CASP8: variants seen among roughly 807,000 people sequenced by gnomAD.
CASP8 encodes the protein caspase-8.
CASP8 carries 24 observed loss-of-function variants against 46.3 expected under a neutral mutation model. That is an observed-to-expected ratio of 0.52 (90% CI 0.38 to 0.73). The LOEUF (loss-of-function observed/expected upper bound fraction) is 0.73, where lower values mean the gene tolerates loss of function less well. Ranked by LOEUF, CASP8 falls within the 30% of genes least tolerant of loss-of-function variation. The probability of loss-of-function intolerance (pLI) is 0.00; values close to 1 mark genes in which losing one functional copy is unlikely to be tolerated. For missense variants in CASP8, 460 were observed against 559.0 expected (o/e 0.82, Z 1.79); for synonymous variants, 188 against 200.4 (o/e 0.94, Z 0.52).
intron 2 of CASP8, among the ~76,000 whole-genome samples, chr2:201,236,769 T>A (rs1023554945): frequency 5.9e-5 from 9 of 152,114 alleles, no homozygotes. Flanking sequence ...CCGCACCTAG[T>A]TAATTTTTGC....
chr2:201,284,761 C>T, intron 7 of CASP8, 55 bp from the exon 8 acceptor site: 3 of 1,505,018 alleles, frequency 2.0e-6, no homozygotes, highest in Non-Finnish European at 2.7e-6. Flanking sequence ...TGCTCTCCAG[C>T]TGTGGTCTGT....
upstream of CASP8, chr2:201,258,329 TAG>T (rs1947134021): frequency 8.7e-6 from 14 of 1,614,104 alleles, no homozygotes; most frequent in Non-Finnish European, 1.0e-5. Flanking sequence ...CACGTGGAGT[TAG>T]GCAGGTTAGG....
chr2:201,236,324 T>G (rs1327504567), intron 2 of CASP8, among the ~76,000 whole-genome samples: 1 of 152,218 alleles, frequency 6.6e-6, no homozygotes, highest in African/African-American at 2.4e-5. Flanking sequence ...TTTTGATTTC[T>G]TTTTTGACCC....
chr2:201,243,921 C>T (rs759779272), intron 2 of CASP8, among the ~76,000 whole-genome samples: 89 of 152,280 alleles, frequency 5.8e-4, no homozygotes, highest in East Asian at 1.9e-4. Context: ...GGGCAGCAAT[C>T]CCCTGTTTGG....
chr2:201,257,572 A>G (rs1947084006), upstream of CASP8, among the ~76,000 whole-genome samples: 1 of 152,164 alleles, frequency 6.6e-6, no homozygotes. Flanking sequence ...TCCAGGATCA[A>G]TGCTACAAAG....
rs2125511697 is a variant in CASP8, at chr2:201,286,538, C to G, written c.1384C>G (p.Gln462Glu). The change falls in exon 9 of 9, where the codon CAG (glutamine) becomes GAG (glutamate). Residue 462 changes from glutamine to glutamate, a missense_variant. Transcript: ENST00000673742. Reference protein sequence around the residue: ...NKDDKKNMGKQMPQPTFTLRK... With the variant: ...NKDDKKNMGKEMPQPTFTLRK... ...GGATGACAAGAAAAACATGGGGAAA[C>G]AGATGCCTCAGCCTACTTTCACACT... 6.2e-7 allele frequency: 1 copy of G among 1,613,962 alleles called. No individual in the cohort carries two copies. The highest frequency in any genetic ancestry group is 8.5e-7 in the Non-Finnish European group (1 of 1,179,806).
Position 201,285,075 on chromosome 2 carries a change from G to A in CASP8, c.1062G>A (p.Val354=), listed in dbSNP as rs766027058. The change falls in exon 8 of 9, where the codon GTG becomes GTA. Residue 354 remains valine, a synonymous_variant. Coordinates refer to ENST00000673742, the MANE Select transcript of CASP8 (RefSeq NM_001372051.1). ...KCPSLAGKPK[V]FFIQACQGDN... is the part of the protein sequence containing the mutation. ...CTTCCCTTGCTGGAAAACCCAAAGT[G>A]TTTTTTATTCAGGCTTGTCAGGGGG... The A allele has an allele frequency of 1.2e-6, 2 of 1,614,132 alleles. No individual in the cohort carries two copies. Among genetic ancestry groups the A allele is most frequent in the East Asian group, 4.5e-5 (2 of 44,896 alleles).
At position 201,272,592 on chromosome 2, in the gene CASP8, A is replaced by T. The variant is rs2125252164; in HGVS notation, c.412-46A>T. 1.2e-6 allele frequency: 2 copies of T among 1,608,936 alleles called. No homozygotes were observed. The highest frequency in any genetic ancestry group is 8.5e-7 in the Non-Finnish European group (1 of 1,175,836). ...AAAAAAAAAATCTAATCTAAAAACC[A>T]GTAGGGCTCAATCCAGATTCCCAAC... On this transcript the variant is annotated intron_variant, in intron 3 of 8. Transcript: ENST00000673742. This position sits in a 1 kb window ranked among gnomAD's most constrained non-coding sequence, Gnocchi z 4.4.
At chr2:201,270,349 C>T (rs1291129248) in intron 2 of CASP8, among the ~76,000 whole-genome samples, 1 of 152,204 alleles carries the variant, frequency 6.6e-6, no homozygotes, top group East Asian at 1.9e-4. Context: ...GATGTGGTTA[C>T]GGATAATTAT....
intron 2 of CASP8, among the ~76,000 whole-genome samples, chr2:201,238,566 C>T (rs1289744459): frequency 3.3e-5 from 5 of 151,882 alleles, no homozygotes; most frequent in Admixed American, 2.6e-4. Context: ...CTCAGCCTCC[C>T]GAGTAGCTGG....
chr2:201,236,798 G>A (rs1224643227), intron 2 of CASP8, among the ~76,000 whole-genome samples: 1 of 152,182 alleles, frequency 6.6e-6, no homozygotes, highest in Non-Finnish European at 1.5e-5. Context: ...TAGAGATGGA[G>A]TTTCATCATG....
chr2:201,236,484 G>A (rs1946051369), intron 2 of CASP8, among the ~76,000 whole-genome samples: 1 of 152,168 alleles, frequency 6.6e-6, no homozygotes, highest in Non-Finnish European at 1.5e-5. Context: ...AGAACCATCG[G>A]TATTTTGTGT....
At chr2:201,273,568 A>C (rs1222585200) in intron 5 of CASP8, among the ~76,000 whole-genome samples, 2 of 152,072 alleles carry the variant, frequency 1.3e-5, no homozygotes, top group Admixed American at 1.3e-4. Flanking sequence ...CACCTTCTAC[A>C]CTAAGTCACT....
intron 2 of CASP8, among the ~76,000 whole-genome samples, chr2:201,238,948 G>A (rs1946175185): frequency 6.6e-6 from 1 of 151,884 alleles, no homozygotes; most frequent in Non-Finnish European, 1.5e-5. Context: ...GGGTACTTGA[G>A]ATTAGGGAGT....
At chr2:201,258,872 CTCTT>C (rs1353356509), upstream of CASP8, among the ~76,000 whole-genome samples, 1 of 152,186 alleles carries the variant, frequency 6.6e-6, no homozygotes, top group East Asian at 1.9e-4. Flanking sequence ...CCTGCCCTCT[CTCTT>C]GTTCCCCAAA....
intron 2 of CASP8, among the ~76,000 whole-genome samples, chr2:201,267,810 A>G (rs34929596): frequency 2.0e-5 from 3 of 152,366 alleles, no homozygotes; most frequent in East Asian, 1.9e-4. Flanking sequence ...TGTGAGATGG[A>G]AAGGGTTCAC....
chr2:201,245,703 A>T (rs1290777015), intron 2 of CASP8, among the ~76,000 whole-genome samples: 1 of 152,200 alleles, frequency 6.6e-6, no homozygotes, highest in Non-Finnish European at 1.5e-5. Flanking sequence ...GGTTCCAGGC[A>T]GCTCCTGTTG....
chr2:201,274,636 G>A (rs1215274980), intron 5 of CASP8, among the ~76,000 whole-genome samples: 2 of 152,110 alleles, frequency 1.3e-5, no homozygotes, highest in Admixed American at 6.6e-5. Flanking sequence ...CACCACGCCC[G>A]GCTAATTTTT....
intron 2 of CASP8, among the ~76,000 whole-genome samples, chr2:201,249,630 C>A (rs971361511): frequency 1.3e-5 from 2 of 152,124 alleles, no homozygotes; most frequent in Non-Finnish European, 2.9e-5. Flanking sequence ...GAGGCTAAGG[C>A]GAGAGGATCG....
Sources: gnomAD v4.1 joint callset for allele counts (sites outside exome capture counted in the v4.1 genomes callset) on GRCh38, gnomAD v4.1.1 for gene constraint, Gnocchi (gnomAD v3.1) non-coding constraint, MANE v1.5 for transcripts, NCBI Gene and HGNC (gene_info 2026-07-23, HGNC 2026-07-21) for gene names.